RBFOX1: variants seen among roughly 807,000 people sequenced by gnomAD.
The protein encoded by RBFOX1 is RNA binding fox-1 homolog 1.
A neutral mutation model predicts 57.7 loss-of-function variants in RBFOX1; 8 were observed. The ratio of observed to expected loss-of-function variants is 0.14; its 90% confidence interval spans 0.08 to 0.25. RBFOX1 has a LOEUF of 0.25. Among genes scored for constraint, RBFOX1 ranks in the 10% least tolerant of loss-of-function variants. The pLI is 1.00. For missense variants in RBFOX1, 611 were observed against 548.5 expected (o/e 1.11, Z -1.14); for synonymous variants, 326 against 222.4 (o/e 1.47, Z -4.15).
chr16:7,467,732 T>G (rs1290727610), intron 4 of RBFOX1, among the ~76,000 whole-genome samples: 1 of 152,236 alleles, frequency 6.6e-6, no homozygotes, highest in Non-Finnish European at 1.5e-5. Flanking sequence ...ACACCCCTTA[T>G]CTTCCCATGG....
At chr16:6,228,218 A>C (rs2097431845) in intron 1 of RBFOX1, among the ~76,000 whole-genome samples, 1 of 152,058 alleles carries the variant, frequency 6.6e-6, no homozygotes, top group South Asian at 2.1e-4. Flanking sequence ...CCGGGGGAGC[A>C]GTGCTTAGGT....
Position 7,310,177 on chromosome 16 carries a change from A to G in RBFOX1, c.28-207970A>G, listed in dbSNP as rs183914964. 1.0e-3 allele frequency among the ~76,000 whole-genome samples: 153 copies of G among 152,308 alleles called. 1 individual carries two copies. In the East Asian group the frequency reaches 0.015, roughly 15 times the overall value. On this transcript the variant is annotated intron_variant, in intron 4 of 15. Transcript: ENST00000550418. ...TACAGGTGAGCTAGCCAAATGAGCA[A>G]TGGACCCGCAGGCCGCCTCTGCTGG...
intron 2 of RBFOX1, among the ~76,000 whole-genome samples, chr16:6,512,594 C>G (rs1388302726): frequency 2.6e-5 from 4 of 152,154 alleles, no homozygotes; most frequent in African/African-American, 9.7e-5. Flanking sequence ...AATGGACACC[C>G]ATGACTGATC....
intron 2 of RBFOX1, among the ~76,000 whole-genome samples, chr16:6,648,772 C>G (rs1239942713): frequency 6.6e-6 from 1 of 152,152 alleles, no homozygotes; most frequent in Non-Finnish European, 1.5e-5. Context: ...CACCTCATTT[C>G]TCAATGGCAT....
intron 3 of RBFOX1, among the ~76,000 whole-genome samples, chr16:6,665,951 T>G (rs1032071228): frequency 5.9e-5 from 9 of 152,116 alleles, no homozygotes; most frequent in African/African-American, 2.2e-4. Flanking sequence ...GAGAGGGACC[T>G]GGTAGGAGGT....
intron 4 of RBFOX1, among the ~76,000 whole-genome samples, chr16:7,404,772 T>C (rs944008546): frequency 1.3e-5 from 2 of 152,188 alleles, no homozygotes; most frequent in Admixed American, 6.5e-5. Context: ...TTGTCACGTC[T>C]TTATCAGGTA....
At chr16:5,325,676 C>T (rs1056752578) in intron 1 of RBFOX1, among the ~76,000 whole-genome samples, 1 of 152,124 alleles carries the variant, frequency 6.6e-6, no homozygotes, top group Non-Finnish European at 1.5e-5. Flanking sequence ...ATAAATGAAA[C>T]CATGTAGTAT....
intron 3 of RBFOX1, among the ~76,000 whole-genome samples, chr16:6,815,650 C>T (rs1177333309): frequency 2.0e-5 from 3 of 152,158 alleles, no homozygotes; most frequent in Non-Finnish European, 4.4e-5. Context: ...AGGCTACCTA[C>T]TTACGCCTTA....
intron 1 of RBFOX1, among the ~76,000 whole-genome samples, chr16:6,254,835 T>C (rs531461369): frequency 2.0e-4 from 30 of 152,222 alleles, no homozygotes; most frequent in Non-Finnish European, 4.1e-4. Context: ...TCTCATGTCC[T>C]CTTTCCTGCC....
chr16:5,257,347 C>T (rs778881115), intron 1 of RBFOX1, among the ~76,000 whole-genome samples: 24 of 152,178 alleles, frequency 1.6e-4, no homozygotes, highest in Non-Finnish European at 3.1e-4. Flanking sequence ...TTGCCAGTTA[C>T]ATGCTATGAG....
chr16:6,711,615 T>C (rs532339898), intron 3 of RBFOX1, among the ~76,000 whole-genome samples: 89 of 152,314 alleles, frequency 5.8e-4, no homozygotes, highest in African/African-American at 1.9e-3. Flanking sequence ...CCCCTTCGCC[T>C]TCCACCATGA....
intron 2 of RBFOX1, among the ~76,000 whole-genome samples, chr16:6,347,770 A>G (rs1295987556): frequency 6.6e-6 from 1 of 152,214 alleles, no homozygotes; most frequent in Non-Finnish European, 1.5e-5. Context: ...AAACATCAAA[A>G]TTGACAGTCT....
chr16:7,383,148 G>A (rs2097809905), intron 4 of RBFOX1, among the ~76,000 whole-genome samples: 1 of 151,916 alleles, frequency 6.6e-6, no homozygotes, highest in Non-Finnish European at 1.5e-5. Flanking sequence ...CTTCATTCAA[G>A]AATGGGAAAT....
chr16:6,992,555 G>C (rs1163605337), intron 3 of RBFOX1, among the ~76,000 whole-genome samples: 2 of 152,064 alleles, frequency 1.3e-5, no homozygotes, highest in Admixed American at 6.5e-5. Flanking sequence ...TCCAAGGTCA[G>C]CTTGGGTTCC....
Position 7,545,957 on chromosome 16 carries a change from G to A in RBFOX1, c.270+27568G>A, listed in dbSNP as rs181782898. On this transcript the variant is annotated intron_variant, in intron 5 of 15. Transcript: ENST00000550418. ...CAGATGTGAGCATGCCTTAGAAATT[G>A]GAAAGTGTCGTAAAACTAGAAGCAC... is the stretch of plus-strand genomic sequence containing the variant. 2.8e-3 allele frequency among the ~76,000 whole-genome samples: 424 copies of A among 151,140 alleles called. 3 individuals are homozygous for A. The highest frequency in any genetic ancestry group is 5.7e-3 in the South Asian group (27 of 4,778).
At chr16:7,155,616 G>T (rs1310795998) in intron 4 of RBFOX1, among the ~76,000 whole-genome samples, 2 of 142,904 alleles carry the variant, frequency 1.4e-5, no homozygotes, top group Non-Finnish European at 3.0e-5. Context: ...AAGAGTAGTG[G>T]AATAAGAGAA....
At chr16:5,902,152 G>A (rs2058318978) in intron 4 of RBFOX1, among the ~76,000 whole-genome samples, 1 of 152,150 alleles carries the variant, frequency 6.6e-6, no homozygotes, top group Non-Finnish European at 1.5e-5. Context: ...CCATGAGTCA[G>A]AAAATATTCC....
intron 3 of RBFOX1, among the ~76,000 whole-genome samples, chr16:6,916,464 A>C (rs2073181090): frequency 6.6e-6 from 1 of 152,024 alleles, no homozygotes; most frequent in African/African-American, 2.4e-5. Flanking sequence ...CCTTTGGTTA[A>C]CGAAATAAAT....
chr16:6,727,041 T>C (rs1281451554), intron 3 of RBFOX1, among the ~76,000 whole-genome samples: 2 of 20,768 alleles, frequency 9.6e-5, no homozygotes, highest in Non-Finnish European at 4.3e-4. Context: ...CCTTCAGGTA[T>C]TTGGACTGAA....
Sources: allele counts gnomAD v4.1 joint callset (sites outside exome capture counted in the v4.1 genomes callset), GRCh38; gene constraint gnomAD v4.1.1; transcripts MANE v1.5; gene names NCBI Gene and HGNC (gene_info 2026-07-23, HGNC 2026-07-21).